The following ATG13 variants were observed in gnomAD, a reference collection of about 807,000 sequenced individuals.
ATG13 encodes the protein autophagy related 13, also known as autophagy-related protein 13.
A neutral mutation model predicts 65.5 loss-of-function variants in ATG13; 23 were observed. That is an observed-to-expected ratio of 0.35 (90% confidence interval 0.25 to 0.50). The LOEUF (loss-of-function observed/expected upper bound fraction) is 0.50. ATG13 is among the 20% of genes least tolerant of loss of function. The probability of loss-of-function intolerance (pLI) is 0.98; values close to 1 mark genes in which losing one functional copy is unlikely to be tolerated. For synonymous variants in ATG13, 252 were observed against 245.2 expected (o/e 1.03, Z -0.26); for missense variants, 566 against 677.0 (o/e 0.84, Z 1.82).
chr11:46,622,025 A>G (rs1384611388), intron 1 of ATG13, among the ~76,000 whole-genome samples: 1 of 143,744 alleles, frequency 7.0e-6, no homozygotes, highest in East Asian at 2.1e-4. Context: ...TGACAGCATC[A>G]GTTCAGTCCA....
chr11:46,644,903 T>C (rs941666327), intron 3 of ATG13, among the ~76,000 whole-genome samples: 23 of 152,230 alleles, frequency 1.5e-4, no homozygotes, highest in Admixed American at 1.2e-3. Context: ...TGTAAAATTA[T>C]GTGGAAGACT....
intron 14 of ATG13, among the ~76,000 whole-genome samples, chr11:46,666,795 C>T (rs2062465148): frequency 6.6e-6 from 1 of 152,100 alleles, no homozygotes; most frequent in South Asian, 2.1e-4. Context: ...TTTGAAGGCC[C>T]CAGAGATACT....
rs1021094324 is a variant in ATG13, at chr11:46,673,092, C to A, written c.*760C>A. Reference sequence around the variant, plus strand: ...CAAAGTTCTCTTCCTCTTGTCCCCCCGTTGCTGCTCCTTGGTTATAGAACA... The same window carrying A: ...CAAAGTTCTCTTCCTCTTGTCCCCCAGTTGCTGCTCCTTGGTTATAGAACA... On this transcript the variant is annotated 3_prime_UTR_variant, in exon 19 of 19. Coordinates refer to ENST00000683050, the MANE Select transcript of ATG13 (RefSeq NM_001346311.2). 1 of 179,538 alleles carries A rather than the reference C, an allele frequency of 5.6e-6. No homozygotes were observed. The highest frequency in any genetic ancestry group is 1.2e-5 in the Non-Finnish European group (1 of 83,094). 11.1% of individuals were successfully genotyped at this position (179,538 alleles called of 1,614,324 possible). A position where few individuals can be genotyped will look rare whatever the true frequency, so the allele number is the denominator to read the frequency against.
intron 1 of ATG13, among the ~76,000 whole-genome samples, chr11:46,629,750 T>G (rs2051019085): frequency 6.6e-6 from 1 of 152,206 alleles, no homozygotes; most frequent in African/African-American, 2.4e-5. Context: ...TTTTAATTAT[T>G]TTTATTGTCA....
chr11:46,629,109 A>C (rs2050763543), intron 1 of ATG13, among the ~76,000 whole-genome samples: 1 of 151,790 alleles, frequency 6.6e-6, no homozygotes, highest in Non-Finnish European at 1.5e-5. Context: ...TGCCTGGCTA[A>C]TTTTTGTATT....
In ATG13 at chr11:46,668,826, T is replaced by C; in HGVS notation, c.1362T>C (p.Ser454=). The C allele has an allele frequency of 6.2e-7, 1 of 1,613,892 alleles. No homozygotes were observed. Among genetic ancestry groups the C allele is most frequent in the Non-Finnish European group, 8.5e-7 (1 of 1,179,982 alleles). ...CTCCAGATTCCCCAGAGACTGAATCTCCTCTCCAGGGCAGCCTGCACTCAG... is the reference window on the plus strand; with the variant it reads ...CTCCAGATTCCCCAGAGACTGAATCCCCTCTCCAGGGCAGCCTGCACTCAG... ...VNPPDSPETE[S]PLQGSLHSDG... is the part of the protein sequence containing the mutation. The change falls in exon 17 of 19, where the codon TCT becomes TCC. Residue 454 remains serine, a synonymous_variant. Coordinates refer to ENST00000683050, the MANE Select transcript of ATG13 (RefSeq NM_001346311.2).
At chr11:46,624,711 C>A (rs2048901338) in intron 1 of ATG13, among the ~76,000 whole-genome samples, 1 of 152,000 alleles carries the variant, frequency 6.6e-6, no homozygotes, top group African/African-American at 2.4e-5. Context: ...GGTGAAAGTT[C>A]CCCCTCACCC....
intron 5 of ATG13, among the ~76,000 whole-genome samples, chr11:46,647,700 G>T (rs1409545466): frequency 1.3e-5 from 2 of 151,116 alleles, no homozygotes; most frequent in African/African-American, 2.4e-5. Context: ...GCCTTTCCAA[G>T]TAGCTGGGAG....
chr11:46,664,519 C>T (rs1447038620), intron 12 of ATG13, among the ~76,000 whole-genome samples: 2 of 152,162 alleles, frequency 1.3e-5, no homozygotes, highest in African/African-American at 2.4e-5. Flanking sequence ...ACCAGTTCTG[C>T]GCAGGCTTGT....
chr11:46,645,495 A>C, intron 4 of ATG13, 76 bp downstream of exon 4: 1 of 1,190,554 alleles, frequency 8.4e-7, no homozygotes. Flanking sequence ...CAAGTGCAAT[A>C]ATAAGTAATA....
intron 7 of ATG13, among the ~76,000 whole-genome samples, chr11:46,655,259 C>T (rs1048112187): frequency 1.3e-5 from 2 of 151,888 alleles, no homozygotes; most frequent in East Asian, 1.9e-4. Flanking sequence ...ATTAGCCGGG[C>T]GCGGTGGCGG....
At chr11:46,633,022 A>T (rs1321948510) in intron 2 of ATG13, among the ~76,000 whole-genome samples, 41 of 100,628 alleles carry the variant, frequency 4.1e-4, no homozygotes, top group African/African-American at 2.5e-3. Flanking sequence ...ATATATATAT[A>T]TATATTTTTT....
Position 46,672,721 on chromosome 11 carries a change from A to C in ATG13, c.*389A>C, listed in dbSNP as rs770241934. 2.2e-6 allele frequency: 3 copies of C among 1,357,006 alleles called. No homozygotes were observed. The highest frequency in any genetic ancestry group is 2.9e-6 in the Non-Finnish European group (3 of 1,026,848). 84.1% of individuals were successfully genotyped at this position (1,357,006 alleles called of 1,614,324 possible). ...CCTTCCCTGCCTGCTGTCACCATCC[A>C]CTGTTTGACATTCCAGCTGGTGGCC... On this transcript the variant is annotated 3_prime_UTR_variant, in exon 19 of 19. Coordinates refer to ENST00000683050, the MANE Select transcript of ATG13 (RefSeq NM_001346311.2).
chr11:46,657,995 G>A (rs2060370921), intron 10 of ATG13, among the ~76,000 whole-genome samples: 3 of 152,030 alleles, frequency 2.0e-5, no homozygotes, highest in South Asian at 2.1e-4. Context: ...CTTGAACCTG[G>A]GAGGCAGAGG....
Position 46,668,506 on chromosome 11 carries a change from T to G in ATG13, c.1259T>G (p.Leu420Arg). 6.2e-7 allele frequency: 1 copy of G among 1,614,208 alleles called. No individual in the cohort carries two copies. Among genetic ancestry groups the G allele is most frequent in the Non-Finnish European group, 8.5e-7 (1 of 1,180,000 alleles). Residue 420 changes from leucine (L) to arginine (R), a missense_variant, in exon 16 of 19, where the codon CTG (leucine) becomes CGG (arginine). Leu to Arg is a moderately radical substitution (Grantham distance 102, BLOSUM62 -2). Transcript: ENST00000683050. ...FVNKPINQVTLTSLDIPFAMF... is the reference protein window; with the variant it reads ...FVNKPINQVTRTSLDIPFAMF... The stretch of plus-strand genomic sequence containing the variant: ...TCTCCTGTGTCTCTTCAGGTGACCC[T>G]GACGAGTTTGGATATACCCTTTGCC...
rs1420539542 is a variant in ATG13, at chr11:46,663,633, T to TGC, written c.790-364_790-363insGC. 2.0e-5 allele frequency among the ~76,000 whole-genome samples: 3 copies of TGC among 152,326 alleles called. No homozygotes were observed. The East Asian group carries it at 5.8e-4, about 29-fold the overall frequency. On this transcript the variant is annotated intron_variant, in intron 11 of 18. Transcript: ENST00000683050. ...CACACCTTGCATCTGCAGTCAGACC[T>TGC]TTCTGTTGGAAGCTGCTGTCTGACT...
chr11:46,640,912 T>C (rs1387486721), intron 2 of ATG13, among the ~76,000 whole-genome samples: 1 of 152,216 alleles, frequency 6.6e-6, no homozygotes, highest in Non-Finnish European at 1.5e-5. Context: ...TTTCTGGCAG[T>C]GTCTGTTTAA....
chr11:46,669,454 C>G lies in ATG13; in HGVS notation c.1497C>G (p.Phe499Leu). The G allele has an allele frequency of 1.2e-6, 2 of 1,614,156 alleles. No homozygotes were observed. The highest frequency in any genetic ancestry group is 1.7e-6 in the Non-Finnish European group (2 of 1,180,000). The change falls in exon 18 of 19, where the codon TTC (phenylalanine) becomes TTG (leucine). Residue 499 changes from phenylalanine to leucine, a missense_variant. This residue lies in a region of ATG13 where 387 missense variants were observed against 409.8 expected (regional missense o/e 0.94). Coordinates refer to ENST00000683050, the MANE Select transcript of ATG13 (RefSeq NM_001346311.2). Reference sequence around the variant, plus strand: ...TTCTTCCGATGGACCTGGGGACCTTCTATCGGGAGTTTCAGAACCCACCTC... The same window carrying G: ...TTCTTCCGATGGACCTGGGGACCTTGTATCGGGAGTTTCAGAACCCACCTC... ...DDILPMDLGT[F>L]YREFQNPPQL...
chr11:46,634,517 C>T (rs1004212068), intron 2 of ATG13, among the ~76,000 whole-genome samples: 4 of 151,508 alleles, frequency 2.6e-5, no homozygotes, highest in Admixed American at 6.6e-5. Flanking sequence ...GACTCAGCCT[C>T]CTGAGTAGCT....
Sources: allele counts gnomAD v4.1 joint callset (sites outside exome capture counted in the v4.1 genomes callset), GRCh38; gene constraint gnomAD v4.1.1; regional missense constraint gnomAD v4.1.1; transcripts MANE v1.5; gene names NCBI Gene and HGNC (gene_info 2026-07-23, HGNC 2026-07-21).